The following CLSTN2 variants were observed in gnomAD, a reference collection of about 807,000 sequenced individuals.
CLSTN2 encodes the protein calsyntenin 2, also known as calsyntenin-2.
A neutral mutation model predicts 101.2 loss-of-function variants in CLSTN2; 48 were observed. The ratio of observed to expected loss-of-function variants is 0.47; its 90% CI spans 0.38 to 0.60. The LOEUF (loss-of-function observed/expected upper bound fraction) is 0.60. CLSTN2 is among the 20% of genes least tolerant of loss of function. The probability of loss-of-function intolerance (pLI) is 0.00; values close to 1 mark genes in which losing one functional copy is unlikely to be tolerated. For synonymous variants in CLSTN2, 481 were observed against 463.6 expected, an observed-to-expected ratio of 1.04 and a Z score of -0.48; for missense variants, 1,160 against 1,238.2, an observed-to-expected ratio of 0.94 and a Z score of 0.95.
intron 1 of CLSTN2, among the ~76,000 whole-genome samples, chr3:140,025,885 G>T (rs2007410264): frequency 6.6e-6 from 1 of 152,170 alleles, no homozygotes; most frequent in East Asian, 1.9e-4. Flanking sequence ...AATGATGTGG[G>T]CACTGGGCTG....
intron 8 of CLSTN2, among the ~76,000 whole-genome samples, chr3:140,478,179 C>A (rs1048204648): frequency 2.0e-5 from 3 of 152,044 alleles, no homozygotes; most frequent in African/African-American, 7.2e-5. Flanking sequence ...GTTTCTAACA[C>A]AAATATGTGT....
At chr3:139,969,231 G>T (rs1484008164) in intron 1 of CLSTN2, among the ~76,000 whole-genome samples, 1 of 152,170 alleles carries the variant, frequency 6.6e-6, no homozygotes, top group Non-Finnish European at 1.5e-5. Flanking sequence ...GCTACCAAAA[G>T]TAAAGCCTCC....
At chr3:140,562,760 C>G in intron 13 of CLSTN2, 51 bp from the exon 14 acceptor site, 1 of 1,599,704 alleles carries the variant, frequency 6.3e-7, no homozygotes, top group South Asian at 1.1e-5. Flanking sequence ...CCTCTCTTCT[C>G]TTCCTCCTCC....
At chr3:140,420,721 C>CA (rs1468729084) in intron 4 of CLSTN2, among the ~76,000 whole-genome samples, 3 of 152,226 alleles carry the variant, frequency 2.0e-5, no homozygotes, top group African/African-American at 7.2e-5. Context: ...TGTGTCAGGA[C>CA]ATTTTCTGAA....
At chr3:140,201,362 C>G (rs955084548) in intron 2 of CLSTN2, among the ~76,000 whole-genome samples, 2 of 152,118 alleles carry the variant, frequency 1.3e-5, no homozygotes, top group African/African-American at 4.8e-5. Context: ...AAGGTAGCAG[C>G]TGTGCAGTCA....
At chr3:140,547,274 G>T (rs1336675410) in intron 10 of CLSTN2, among the ~76,000 whole-genome samples, 1 of 146,818 alleles carries the variant, frequency 6.8e-6, no homozygotes, top group African/African-American at 2.7e-5. Context: ...AGTAGTTCGA[G>T]ACCAGCCTGA....
At chr3:140,547,205 G>T (rs1199910327) in intron 10 of CLSTN2, among the ~76,000 whole-genome samples, 1 of 152,202 alleles carries the variant, frequency 6.6e-6, no homozygotes, top group Non-Finnish European at 1.5e-5. Flanking sequence ...ATGGTGGCCT[G>T]TGGCTCACGT....
At position 140,012,092 on chromosome 3, in the gene CLSTN2, A is replaced by G. The variant is rs150758662; in HGVS notation, c.109+76609A>G. Among the ~76,000 whole-genome samples, 27 of 152,248 alleles carry G rather than the reference A, an allele frequency of 1.8e-4. No homozygotes were observed. The East Asian group carries it at 4.8e-3, about 27-fold the overall frequency. On this transcript the variant is annotated intron_variant, in intron 1 of 16. Coordinates refer to ENST00000458420, the MANE Select transcript of CLSTN2 (RefSeq NM_022131.3). The stretch of plus-strand genomic sequence containing the variant: ...TGCCTGAGTAAGGTGCACAAGGAAG[A>G]TGGACGGGAGGGTGCTCTCTATGGT...
chr3:140,484,033 A>G (rs1342848231), intron 8 of CLSTN2, among the ~76,000 whole-genome samples: 1 of 152,168 alleles, frequency 6.6e-6, no homozygotes, highest in Admixed American at 6.5e-5. Flanking sequence ...TTTGCTCGTT[A>G]GTTGATGCAT....
chr3:140,397,208 A>T (rs1277650078), intron 2 of CLSTN2, among the ~76,000 whole-genome samples: 1 of 152,210 alleles, frequency 6.6e-6, no homozygotes, highest in Non-Finnish European at 1.5e-5. Flanking sequence ...AAAACAGCTA[A>T]GTCCTCATAT....
chr3:140,459,640 A>G lies in CLSTN2; in HGVS notation c.1093A>G (p.Lys365Glu). 6.2e-7 allele frequency: 1 copy of G among 1,614,162 alleles called. No homozygotes were observed. Among genetic ancestry groups the G allele is most frequent in the Non-Finnish European group, 8.5e-7 (1 of 1,180,006 alleles). ...IFKFDGRQGA[K>E]VPDGIVPKNL... Reference sequence around the variant, plus strand: ...CAAGTTTGACGGCAGGCAGGGTGCCAAAGTCCCCGATGGGATTGTGCCCAA... The same window carrying G: ...CAAGTTTGACGGCAGGCAGGGTGCCGAAGTCCCCGATGGGATTGTGCCCAA... Residue 365 changes from lysine to glutamate, a missense_variant, in exon 7 of 17, where the codon AAA (lysine) becomes GAA (glutamate). Lys to Glu is a moderately conservative substitution (Grantham distance 56, BLOSUM62 1). Coordinates refer to ENST00000458420, the MANE Select transcript of CLSTN2 (RefSeq NM_022131.3).
chr3:140,284,265 C>G (rs969799791), intron 2 of CLSTN2, among the ~76,000 whole-genome samples: 1 of 151,832 alleles, frequency 6.6e-6, no homozygotes, highest in Admixed American at 6.6e-5. Flanking sequence ...AATACAAGAA[C>G]AAATTGGGTT....
At chr3:140,421,001 C>A in intron 4 of CLSTN2, 124 bp from the exon 5 acceptor site, 2 of 1,022,860 alleles carry the variant, frequency 2.0e-6, no homozygotes, top group African/African-American at 1.6e-5. Flanking sequence ...CTTGTTTTTA[C>A]AAAGAGATAA....
rs535707132 is a variant in CLSTN2, at chr3:140,439,133, G to A, written c.788-9386G>A. On this transcript the variant is annotated intron_variant, in intron 5 of 16. Transcript: ENST00000458420. Reference sequence around the variant, plus strand: ...TGAGGGAACCACACAGAATAGGATGGTTTCCTCTCACAGCATGGGGAAGGC... The same window carrying A: ...TGAGGGAACCACACAGAATAGGATGATTTCCTCTCACAGCATGGGGAAGGC... 5.3e-5 allele frequency among the ~76,000 whole-genome samples: 8 copies of A among 152,342 alleles called. No homozygotes were observed. In the East Asian group the frequency reaches 1.5e-3, roughly 29 times the overall value.
intron 2 of CLSTN2, among the ~76,000 whole-genome samples, chr3:140,385,742 G>T (rs545605611): frequency 2.6e-5 from 4 of 152,208 alleles, no homozygotes; most frequent in Non-Finnish European, 4.4e-5. Context: ...AGAGGCCCTT[G>T]TCAAGCAGGT....
intron 2 of CLSTN2, among the ~76,000 whole-genome samples, chr3:140,323,974 C>A (rs1345354019): frequency 6.6e-6 from 1 of 152,180 alleles, no homozygotes; most frequent in Admixed American, 6.5e-5. Flanking sequence ...TGAAGCAGAT[C>A]CCTCCTGATG....
At chr3:140,421,056 A>C in intron 4 of CLSTN2, 69 bp from the exon 5 acceptor site, 27 of 1,501,458 alleles carry the variant, frequency 1.8e-5, no homozygotes, top group Non-Finnish European at 2.4e-5. Flanking sequence ...GGAGTGGAGA[A>C]GAGATTTGGG....
rs772870486 is a variant in CLSTN2 at position 140,566,308 on chromosome 3, T to C, written c.*55T>C. ...GTCCCTTTTGTAAACCCTGACCCAG[T>C]GTATGCCCATGTCTATCATACCTCA... On this transcript the variant is annotated 3_prime_UTR_variant, in exon 17 of 17. Coordinates refer to ENST00000458420, the MANE Select transcript of CLSTN2 (RefSeq NM_022131.3). 2.3e-5 allele frequency: 34 copies of C among 1,486,118 alleles called. No individual in the cohort carries two copies. The highest frequency in any genetic ancestry group is 2.9e-5 in the Non-Finnish European group (32 of 1,089,366). The allele number at this position is 1,486,118 out of a possible 1,614,324, so 92.1% of individuals were successfully genotyped here.
intron 9 of CLSTN2, among the ~76,000 whole-genome samples, chr3:140,545,975 A>C (rs1935575950): frequency 6.6e-6 from 1 of 152,216 alleles, no homozygotes; most frequent in Non-Finnish European, 1.5e-5. Context: ...TCTCATGCCA[A>C]GCTCTCAGTG....
Sources: allele counts gnomAD v4.1 joint callset (sites outside exome capture counted in the v4.1 genomes callset), GRCh38; gene constraint gnomAD v4.1.1; transcripts MANE v1.5; gene names NCBI Gene and HGNC (gene_info 2026-07-23, HGNC 2026-07-21).